Variants in KPNB1 observed in about 807,000 individuals in gnomAD.
KPNB1 encodes importin subunit beta-1.
A neutral mutation model predicts 113.0 loss-of-function variants in KPNB1; 7 were observed. That is an observed-to-expected ratio of 0.06 (90% CI 0.04 to 0.12). The LOEUF (loss-of-function observed/expected upper bound fraction) is 0.12, where lower values mean the gene tolerates loss of function less well. Ranked by LOEUF, KPNB1 falls within the 10% of genes least tolerant of loss-of-function variation. The pLI, the probability that KPNB1 is intolerant of heterozygous loss-of-function variation, is 1.00. For missense variants in KPNB1, 400 were observed against 1,054.8 expected (o/e 0.38, Z 8.60); for synonymous variants, 363 against 378.6 (o/e 0.96, Z 0.48).
chr17:47,673,275 C>A, intron 13 of KPNB1, 110 bp downstream of exon 13: 1 of 1,138,756 alleles, frequency 8.8e-7, no homozygotes, highest in Non-Finnish European at 1.3e-6. Context: ...TATATATTTT[C>A]TCAGAAAGAT....
In KPNB1 at chr17:47,661,099, T is replaced by C; in HGVS notation, c.637-20T>C. ...CAGGTTATGCTCTCCTAATTCTCTT[T>C]ATTTTTATTCCTCCTACAGTCTGAA... On this transcript the variant is annotated intron_variant, in intron 5 of 21. Coordinates refer to ENST00000290158, the MANE Select transcript of KPNB1 (RefSeq NM_002265.6). 1.9e-6 allele frequency: 3 copies of C among 1,600,118 alleles called. No homozygotes were observed. The highest frequency in any genetic ancestry group is 1.1e-5 in the South Asian group (1 of 90,788).
intron 17 of KPNB1, 118 bp downstream of exon 17, chr17:47,677,245 G>A: frequency 1.3e-6 from 1 of 757,142 alleles, no homozygotes; most frequent in Non-Finnish European, 2.2e-6. Context: ...CATTTTGGGA[G>A]GCCGAGGCAG....
At chr17:47,659,916 ATATATG>A (rs1047632899) in intron 5 of KPNB1, among the ~76,000 whole-genome samples, 22 of 151,520 alleles carry the variant, frequency 1.5e-4, no homozygotes, top group African/African-American at 5.3e-4. Flanking sequence ...AAAAATATAT[ATATATG>A]TATATGTATG....
rs1219898683 is a variant in KPNB1 at position 47,682,691 on chromosome 17, A to G, written c.*287A>G. The G allele has an allele frequency of 1.9e-5, 9 of 480,708 alleles. No individual in the cohort carries two copies. The highest frequency in any genetic ancestry group is 2.6e-5 in the Non-Finnish European group (7 of 270,722). The allele number at this position is 480,708 out of a possible 1,614,324, so 29.8% of individuals were successfully genotyped here. On this transcript the variant is annotated 3_prime_UTR_variant, in exon 22 of 22. Coordinates refer to ENST00000290158, the MANE Select transcript of KPNB1 (RefSeq NM_002265.6). The stretch of plus-strand genomic sequence containing the variant: ...TGGAGTTACTTATTTAAAAAAAAAG[A>G]AAGAAAGTTATCTCTTCCCAGGAGA...
intron 15 of KPNB1, among the ~76,000 whole-genome samples, chr17:47,675,375 TTTTTTTTTTGTTTG>T (rs1567894344): frequency 0.016 from 1,898 of 119,422 alleles, 272 homozygotes; most frequent in East Asian, 0.062. Context: ...TTTTTTTGTT[TTTTTTTTTTGTTTG>T]TTTTTTTTTT....
At chr17:47,661,793 A>G (rs1297380588) in intron 6 of KPNB1, among the ~76,000 whole-genome samples, 1 of 152,154 alleles carries the variant, frequency 6.6e-6, no homozygotes, top group Non-Finnish European at 1.5e-5. Flanking sequence ...ACTAAAAAAT[A>G]TGTATACACA....
chr17:47,651,035 C>CTT (rs1355052284), intron 2 of KPNB1, among the ~76,000 whole-genome samples: 1 of 151,718 alleles, frequency 6.6e-6, no homozygotes, highest in African/African-American at 2.4e-5. Context: ...GGGGTTTTTT[C>CTT]TTTTTCTTTC....
At position 47,680,151 on chromosome 17, in the gene KPNB1, T is replaced by G. The variant is rs763783645; in HGVS notation, c.2468+17T>G. 6.7e-7 allele frequency: 1 copy of G among 1,488,086 alleles called. No homozygotes were observed. Among genetic ancestry groups the G allele is most frequent in the Non-Finnish European group, 9.4e-7 (1 of 1,065,428 alleles). The allele number at this position is 1,488,086 out of a possible 1,614,324, so 92.2% of individuals were successfully genotyped here. ...ACTAATAGGGTAAGTTATACCCTGC[T>G]TCTAAGAGCTGAATAGAACTTCTCA... On this transcript the variant is annotated intron_variant, in intron 20 of 21. Transcript: ENST00000290158.
chr17:47,661,393 A>C (rs935751661), intron 6 of KPNB1, among the ~76,000 whole-genome samples: 1 of 151,966 alleles, frequency 6.6e-6, no homozygotes, highest in Non-Finnish European at 1.5e-5. Context: ...TGAGGTTAGG[A>C]GTTTCATACC....
At chr17:47,673,346 CAT>C (rs1208376892) in intron 13 of KPNB1, 142 bp from the exon 14 acceptor site, 12 of 861,520 alleles carry the variant, frequency 1.4e-5, no homozygotes, top group African/African-American at 3.4e-5. Context: ...ATGGTTTACT[CAT>C]ATATGTGTTA....
chr17:47,679,863 A>C, intron 19 of KPNB1, 157 bp from the exon 20 acceptor site: 1 of 534,120 alleles, frequency 1.9e-6, no homozygotes, highest in Non-Finnish European at 3.4e-6. Context: ...CGCCCGGCTA[A>C]TTTTTTTGTA....
intron 13 of KPNB1, 109 bp downstream of exon 13, chr17:47,673,274 T>C: frequency 8.7e-7 from 1 of 1,146,354 alleles, no homozygotes; most frequent in South Asian, 1.5e-5. Flanking sequence ...GTATATATTT[T>C]CTCAGAAAGA....
At position 47,652,679 on chromosome 17, in the gene KPNB1, A is replaced by G. The variant is rs1281572721; in HGVS notation, c.100-15A>G. On this transcript the variant is annotated splice_polypyrimidine_tract_variant and intron_variant, in intron 2 of 21. Coordinates refer to ENST00000290158, the MANE Select transcript of KPNB1 (RefSeq NM_002265.6). ...CTAAGATATTTTTATTTACAAATTT[A>G]TCTTCCCTTAACAGCCCACTTTCCT... 2.0e-6 allele frequency: 3 copies of G among 1,520,484 alleles called. No individual in the cohort carries two copies. The highest frequency in any genetic ancestry group is 2.6e-6 in the Non-Finnish European group (3 of 1,135,964). The allele number at this position is 1,520,484 out of a possible 1,614,324, so 94.2% of individuals were successfully genotyped here.
In KPNB1 at chr17:47,673,580, AC is replaced by A; in HGVS notation, c.1767+20del. 6.4e-7 allele frequency: 1 copy of A among 1,566,634 alleles called. No homozygotes were observed. Among genetic ancestry groups the A allele is most frequent in the Non-Finnish European group, 8.8e-7 (1 of 1,137,034 alleles). ...TCTTCAGGTATGGTGGTGCCTTATGACTTAATAACTCCAGGTTGGAGAATTA... is the reference window on the plus strand; with the variant it reads ...TCTTCAGGTATGGTGGTGCCTTATGATTAATAACTCCAGGTTGGAGAATTA... On this transcript the variant is annotated intron_variant, in intron 14 of 21. Transcript: ENST00000290158.
At chr17:47,662,007 A>G in intron 6 of KPNB1, among the ~76,000 whole-genome samples, 1 of 152,206 alleles carries the variant, frequency 6.6e-6, no homozygotes, top group East Asian at 1.9e-4. Context: ...TGCTATTGCT[A>G]TACCCAAAAC....
intron 15 of KPNB1, among the ~76,000 whole-genome samples, chr17:47,675,378 T>TTG (rs2030581224): frequency 8.8e-6 from 1 of 113,552 alleles, no homozygotes; most frequent in East Asian, 2.9e-4. Context: ...TTTTGTTTTT[T>TTG]TTTTTTGTTT....
At chr17:47,672,839 G>T (rs557245782) in intron 12 of KPNB1, among the ~76,000 whole-genome samples, 179 bp from the exon 13 acceptor site, 1 of 152,278 alleles carries the variant, frequency 6.6e-6, no homozygotes, top group African/African-American at 2.4e-5. Flanking sequence ...AGACCATAAT[G>T]AACATAGCCA....
intron 10 of KPNB1, among the ~76,000 whole-genome samples, chr17:47,668,831 G>A (rs2143142778): frequency 6.6e-6 from 1 of 151,792 alleles, no homozygotes; most frequent in Admixed American, 6.6e-5. Flanking sequence ...TTTTAATAAT[G>A]GCATTATTAT....
At chr17:47,652,612 G>T in intron 2 of KPNB1, 82 bp from the exon 3 acceptor site, 1 of 1,142,048 alleles carries the variant, frequency 8.8e-7, no homozygotes, top group South Asian at 2.3e-5. Flanking sequence ...CGCCCCTCTG[G>T]TGGTTCAGTG....
Sources: allele counts gnomAD v4.1 joint callset (sites outside exome capture counted in the v4.1 genomes callset), GRCh38; gene constraint gnomAD v4.1.1; transcripts MANE v1.5; gene names NCBI Gene and HGNC (gene_info 2026-07-23, HGNC 2026-07-21).